UBE2Q2: variants seen among roughly 807,000 people sequenced by gnomAD.
The protein encoded by UBE2Q2 is ubiquitin-conjugating enzyme E2 Q2.
A neutral mutation model predicts 59.9 loss-of-function variants in UBE2Q2; 54 were observed. The ratio of observed to expected loss-of-function variants is 0.90; its 90% CI spans 0.72 to 1.13. UBE2Q2 has a LOEUF of 1.13. UBE2Q2 is among the 50% of genes most tolerant of loss of function. UBE2Q2 has a pLI of 0.00. For synonymous variants in UBE2Q2, 165 were observed against 155.2 expected (o/e 1.06, Z -0.47); for missense variants, 433 against 441.9 (o/e 0.98, Z 0.18).
intron 4 of UBE2Q2, 68 bp downstream of exon 4, chr15:75,869,078 AT>A (rs1244783556): frequency 1.2e-5 from 16 of 1,320,172 alleles, no homozygotes; most frequent in Admixed American, 1.0e-4. Context: ...TAATTCTCAA[AT>A]CTTTTTTATA....
intron 4 of UBE2Q2, 113 bp downstream of exon 4, chr15:75,869,123 T>C: frequency 2.2e-6 from 2 of 899,194 alleles, no homozygotes; most frequent in Non-Finnish European, 3.4e-6. Flanking sequence ...TGAAAGCACA[T>C]TGTGTTTGGA....
rs76324710 is a variant in UBE2Q2 at position 75,883,876 on chromosome 15, G to A, written c.884+452G>A. The stretch of plus-strand genomic sequence containing the variant: ...CACACACACACACACGTATATATAC[G>A]CACATACTTTTTACCATAAAAAAGC... On this transcript the variant is annotated intron_variant, in intron 9 of 12. Transcript: ENST00000267938. Among the ~76,000 whole-genome samples the A allele has an allele frequency of 8.6e-3, 1,307 of 151,344 alleles. 15 individuals are homozygous for A. The highest frequency in any genetic ancestry group is 0.03 in the African/African-American group (1,215 of 40,988).
At chr15:75,875,583 A>G (rs1433224601) in intron 5 of UBE2Q2, among the ~76,000 whole-genome samples, 3 of 152,148 alleles carry the variant, frequency 2.0e-5, no homozygotes, top group Non-Finnish European at 4.4e-5. Flanking sequence ...TATTTTCAAA[A>G]ATTGCTGGGG....
At chr15:75,864,245 C>A (rs975424304) in intron 3 of UBE2Q2, among the ~76,000 whole-genome samples, 6 of 151,964 alleles carry the variant, frequency 3.9e-5, no homozygotes, top group Non-Finnish European at 5.9e-5. Context: ...AGCTTTACAT[C>A]TTTTTTCCTA....
chr15:75,860,406 C>G (rs190131115), intron 3 of UBE2Q2, among the ~76,000 whole-genome samples: 5 of 152,232 alleles, frequency 3.3e-5, no homozygotes, highest in East Asian at 3.9e-4. Context: ...TAATTTCATT[C>G]TGGATTTACC....
intron 9 of UBE2Q2, among the ~76,000 whole-genome samples, chr15:75,885,120 GTTT>G (rs376756345): frequency 6.6e-6 from 1 of 151,106 alleles, no homozygotes; most frequent in Non-Finnish European, 1.5e-5. Context: ...TAGTAGTGGG[GTTT>G]TTTTTTATTT....
At chr15:75,848,796 G>A (rs116208760) in intron 1 of UBE2Q2, among the ~76,000 whole-genome samples, 1,795 of 152,226 alleles carry the variant, frequency 0.012, 31 homozygotes, top group African/African-American at 0.041. Context: ...TGACTGGAGA[G>A]CCAGAGTGAT....
intron 9 of UBE2Q2, among the ~76,000 whole-genome samples, chr15:75,887,301 G>A (rs1898833459): frequency 6.6e-6 from 1 of 152,212 alleles, no homozygotes; most frequent in African/African-American, 2.4e-5. Flanking sequence ...GTGACCTGAA[G>A]ACTTCATGAA....
At chr15:75,854,515 CTT>C in intron 2 of UBE2Q2, 28 bp downstream of exon 2, 1 of 1,434,744 alleles carries the variant, frequency 7.0e-7, no homozygotes, top group Non-Finnish European at 9.7e-7. Context: ...GCTATTTTCT[CTT>C]TTCCTCATGA....
intron 1 of UBE2Q2, chr15:75,844,209 C>T (rs1406031079): frequency 1.4e-6 from 2 of 1,462,218 alleles, no homozygotes; most frequent in Non-Finnish European, 1.8e-6. Flanking sequence ...CGGGGCGGGG[C>T]GGCGCAGCTC....
At chr15:75,892,861 C>CT (rs1231232286) in intron 11 of UBE2Q2, among the ~76,000 whole-genome samples, 7 of 152,276 alleles carry the variant, frequency 4.6e-5, no homozygotes, top group East Asian at 1.9e-4. Context: ...CAGTGAGACT[C>CT]TGTCTCAAAA....
intron 11 of UBE2Q2, chr15:75,895,195 A>C (rs1899334329): frequency 6.6e-6 from 1 of 151,744 alleles, no homozygotes; most frequent in Non-Finnish European, 1.5e-5. Flanking sequence ...CAAAAAAAAA[A>C]ATTTTGAGAT....
intron 1 of UBE2Q2, among the ~76,000 whole-genome samples, chr15:75,852,284 G>T (rs1480311775): frequency 1.3e-5 from 2 of 152,076 alleles, no homozygotes; most frequent in African/African-American, 4.8e-5. Context: ...TGGTGTTACC[G>T]CCTTTATTTG....
chr15:75,852,239 G>T (rs1461036337), intron 1 of UBE2Q2, among the ~76,000 whole-genome samples: 1 of 152,008 alleles, frequency 6.6e-6, no homozygotes, highest in African/African-American at 2.4e-5. Flanking sequence ...AGCCTTTCCT[G>T]TGCATAGTGA....
rs540771820 is a variant in UBE2Q2 at position 75,858,326 on chromosome 15, T to C, written c.283-1552T>C. On this transcript the variant is annotated intron_variant, in intron 2 of 12. Transcript: ENST00000267938. The stretch of plus-strand genomic sequence containing the variant: ...AAATGATGACGTTTAAATTTGCGTT[T>C]ACCCACCTCCTAGCACTCTATCAGC... Among the ~76,000 whole-genome samples, 212 of 152,312 alleles carry C rather than the reference T, an allele frequency of 1.4e-3. 1 individual carries two copies. The highest frequency in any genetic ancestry group is 4.6e-3 in the African/African-American group (192 of 41,554).
chr15:75,868,842 T>TG, intron 3 of UBE2Q2, 109 bp from the exon 4 acceptor site: 1 of 830,656 alleles, frequency 1.2e-6, no homozygotes, highest in Non-Finnish European at 2.0e-6. Context: ...TGTCTGGTAG[T>TG]GGGACTCCAG....
intron 1 of UBE2Q2, among the ~76,000 whole-genome samples, chr15:75,852,188 A>C (rs1896667598): frequency 1.3e-5 from 2 of 152,022 alleles, no homozygotes; most frequent in South Asian, 4.1e-4. Context: ...TATCGTAGAC[A>C]TTCTTAAATG....
At chr15:75,876,997 C>T (rs1898119440) in intron 6 of UBE2Q2, among the ~76,000 whole-genome samples, 2 of 151,854 alleles carry the variant, frequency 1.3e-5, no homozygotes, top group Non-Finnish European at 2.9e-5. Flanking sequence ...CCCATCTCTA[C>T]TAAAAATAAA....
chr15:75,866,701 T>C (rs1897505048), intron 3 of UBE2Q2, among the ~76,000 whole-genome samples: 2 of 152,184 alleles, frequency 1.3e-5, no homozygotes, highest in Admixed American at 1.3e-4. Context: ...TTTGTTTTTC[T>C]TAATCATAAA....
Sources: allele counts gnomAD v4.1 joint callset (sites outside exome capture counted in the v4.1 genomes callset), GRCh38; gene constraint gnomAD v4.1.1; transcripts MANE v1.5; gene names NCBI Gene and HGNC (gene_info 2026-07-23, HGNC 2026-07-21).